Variants in SFTPD observed in about 807,000 individuals in gnomAD.
SFTPD encodes the protein pulmonary surfactant-associated protein D.
In SFTPD, 18 loss-of-function variants were observed where a neutral mutation model predicts 34.6. The ratio of observed to expected loss-of-function variants is 0.52; its 90% CI spans 0.36 to 0.77. The LOEUF (loss-of-function observed/expected upper bound fraction) is 0.77. Ranked by LOEUF, SFTPD falls within the 30% of genes least tolerant of loss-of-function variation. The probability of loss-of-function intolerance (pLI) is 0.00; values close to 1 mark genes in which losing one functional copy is unlikely to be tolerated. For synonymous variants in SFTPD, 155 were observed against 180.9 expected (o/e 0.86, Z 1.15); for missense variants, 433 against 468.9 (o/e 0.92, Z 0.71).
chr10:79,945,623 C>T (rs966866605), intron 2 of SFTPD, among the ~76,000 whole-genome samples: 1 of 152,168 alleles, frequency 6.6e-6, no homozygotes, highest in Admixed American at 6.5e-5. Context: ...CTCTGCTAAG[C>T]TCAAGATAAT....
intron 1 of SFTPD, among the ~76,000 whole-genome samples, chr10:79,960,905 G>C (rs996780779): frequency 6.6e-6 from 1 of 151,156 alleles, no homozygotes; most frequent in Non-Finnish European, 1.5e-5. Context: ...ATACTACAAG[G>C]CTACAGTAAC....
In SFTPD at chr10:79,937,988, G is replaced by A. The variant is rs1461051107; in HGVS notation, c.992C>T (p.Ser331Phe). The A allele has an allele frequency of 1.9e-6, 3 of 1,613,848 alleles. No homozygotes were observed. The highest frequency in any genetic ancestry group is 2.5e-6 in the Non-Finnish European group (3 of 1,179,786). The change falls in exon 8 of 8, where the codon TCC becomes TTC. Residue 331 changes from serine to phenylalanine, a missense_variant. Coordinates refer to ENST00000372292, the MANE Select transcript of SFTPD (RefSeq NM_003019.5). ...TGGGGCCCAGTTGGAATAGACCAGGGACTCTCCTGTGGGGTAGGTGAACTT... is the reference window on the plus strand; with the variant it reads ...TGGGGCCCAGTTGGAATAGACCAGGAACTCTCCTGTGGGGTAGGTGAACTT... ...EGKFTYPTGE[S>F]LVYSNWAPGE...
rs776016089 is a variant in SFTPD, at chr10:79,942,340, G to A, written c.433+48C>T. On this transcript the variant is annotated intron_variant, in intron 4 of 7. Transcript: ENST00000372292. Reference sequence around the variant, plus strand: ...GCCTCAGGTCATATCATGGACCCTTGTCCTTCCTCCTTTCCCTTCTCAGAC... The same window carrying A: ...GCCTCAGGTCATATCATGGACCCTTATCCTTCCTCCTTTCCCTTCTCAGAC... 3.8e-5 allele frequency: 50 copies of A among 1,305,986 alleles called. 1 individual carries two copies. The East Asian group carries it at 1.1e-3, about 30-fold the overall frequency. The allele number at this position is 1,305,986 out of a possible 1,614,324, so 80.9% of individuals were successfully genotyped here.
At chr10:79,961,843 A>G (rs1201337786) in intron 1 of SFTPD, among the ~76,000 whole-genome samples, 2 of 151,876 alleles carry the variant, frequency 1.3e-5, no homozygotes, top group Non-Finnish European at 2.9e-5. Context: ...ACACATACAC[A>G]CGTATGTTTA....
chr10:79,941,901 A>C, intron 5 of SFTPD, 53 bp downstream of exon 5: 1 of 1,180,518 alleles, frequency 8.5e-7, no homozygotes, highest in South Asian at 1.2e-5. Flanking sequence ...GACAGCTCCA[A>C]GCAGGCACAG....
chr10:79,963,588 T>C (rs1239360417), intron 1 of SFTPD, among the ~76,000 whole-genome samples: 1 of 152,196 alleles, frequency 6.6e-6, no homozygotes, highest in Non-Finnish European at 1.5e-5. Context: ...CTATGATTAT[T>C]AGTGAGGTTG....
Position 79,942,524 on chromosome 10 carries a change from C to G in SFTPD, c.317-20G>C. 6.7e-7 allele frequency: 1 copy of G among 1,495,030 alleles called. No homozygotes were observed. 92.6% of individuals were successfully genotyped at this position (1,495,030 alleles called of 1,614,324 possible). On this transcript the variant is annotated intron_variant, in intron 3 of 7. Coordinates refer to ENST00000372292, the MANE Select transcript of SFTPD (RefSeq NM_003019.5). ...GAGGTCCTGAGCAAAAGCACCAGCC[C>G]GGTCAGTAACAATGAATCCTCTTGG...
upstream of SFTPD, chr10:79,950,162 T>G (rs1842701598): frequency 2.0e-5 from 3 of 152,222 alleles, no homozygotes; most frequent in Admixed American, 6.5e-5. Context: ...ATCTTTTAAG[T>G]GGAACATTTA....
intron 1 of SFTPD, chr10:79,982,301 G>A (rs10159532): frequency 0.36 from 354,696 of 978,496 alleles, 68,082 homozygotes; most frequent in African/African-American, 0.47. Context: ...CCCGGCTCAG[G>A]TGCCCAGTGG....
At chr10:79,959,495 C>A (rs1319800304) in intron 1 of SFTPD, among the ~76,000 whole-genome samples, 1 of 152,124 alleles carries the variant, frequency 6.6e-6, no homozygotes, top group East Asian at 1.9e-4. Flanking sequence ...TACAAACTAC[C>A]ATCAGAGAAT....
upstream of SFTPD, among the ~76,000 whole-genome samples, chr10:79,949,519 A>T (rs193153337): frequency 6.4e-3 from 974 of 152,312 alleles, 1 homozygote; most frequent in Non-Finnish European, 0.01. Flanking sequence ...TCTCAACAGC[A>T]CTGCCCAGAT....
upstream of SFTPD, among the ~76,000 whole-genome samples, chr10:79,949,613 GGCA>G (rs755772279): frequency 3.9e-5 from 6 of 152,188 alleles, no homozygotes; most frequent in Non-Finnish European, 7.4e-5. Flanking sequence ...AGCATGTGGG[GGCA>G]GCAGCTAGGG....
At position 79,937,774 on chromosome 10, in the gene SFTPD, A is replaced by G. The variant is rs1390815557; in HGVS notation, c.*78T>C. 1 of 1,421,270 alleles carries G rather than the reference A, an allele frequency of 7.0e-7. No homozygotes were observed. Among genetic ancestry groups the G allele is most frequent in the Non-Finnish European group, 9.5e-7 (1 of 1,057,738 alleles). 88.0% of individuals were successfully genotyped at this position (1,421,270 alleles called of 1,614,324 possible). On this transcript the variant is annotated 3_prime_UTR_variant, in exon 8 of 8. Transcript: ENST00000372292. The stretch of plus-strand genomic sequence containing the variant: ...CAGATGGTCACCTTTTTATTAGGAT[A>G]TTGGCAGCATGAGGGTCTAAGCCTT...
chr10:79,969,310 C>T (rs527290447), intron 1 of SFTPD: 18 of 152,006 alleles, frequency 1.2e-4, no homozygotes, highest in Non-Finnish European at 2.4e-4. Context: ...CCTGTCTCTA[C>T]TAAATATACA....
rs370583835 is a variant in SFTPD, at chr10:79,942,720, A to G, written c.316+43T>C. ...CCCACTGGCATATCCTTGCAGCTGC[A>G]CCACCACCTGGAAACACCTGAAGTC... On this transcript the variant is annotated intron_variant, in intron 3 of 7. Transcript: ENST00000372292. The G allele has an allele frequency of 6.1e-5, 81 of 1,328,472 alleles. No homozygotes were observed. In the Admixed American group the frequency reaches 7.0e-4, roughly 12 times the overall value. 82.3% of individuals were successfully genotyped at this position (1,328,472 alleles called of 1,614,324 possible).
At chr10:79,977,811 A>T (rs1842870995) in intron 1 of SFTPD, among the ~76,000 whole-genome samples, 1 of 142,026 alleles carries the variant, frequency 7.0e-6, no homozygotes, top group African/African-American at 2.6e-5. Context: ...TTTCTTTTCC[A>T]CCTTTCTTTC....
intron 1 of SFTPD, chr10:79,970,342 A>G (rs1421879975): frequency 6.6e-6 from 1 of 152,072 alleles, no homozygotes; most frequent in Non-Finnish European, 1.5e-5. Flanking sequence ...TCCAGATTTC[A>G]TTGGTTATTT....
At chr10:79,944,454 T>G (rs1406370355) in intron 2 of SFTPD, among the ~76,000 whole-genome samples, 5 of 150,710 alleles carry the variant, frequency 3.3e-5, no homozygotes. Context: ...CTGAAGGAGG[T>G]GAAGTATGAG....
At chr10:79,971,078 G>T (rs1842832013) in intron 1 of SFTPD, 1 of 152,082 alleles carries the variant, frequency 6.6e-6, no homozygotes, top group Non-Finnish European at 1.5e-5. Context: ...ATCATGAAAG[G>T]ATATTAAATT....
Sources: gnomAD v4.1 joint callset for allele counts (sites outside exome capture counted in the v4.1 genomes callset) on GRCh38, gnomAD v4.1.1 for gene constraint, MANE v1.5 for transcripts, NCBI Gene and HGNC (gene_info 2026-07-23, HGNC 2026-07-21) for gene names.